The following INCENP variants were observed in gnomAD, a reference collection of about 807,000 sequenced individuals.
The protein encoded by INCENP is inner centromere protein.
In INCENP, 43 loss-of-function variants were observed where a neutral mutation model predicts 107.3. That is an observed-to-expected ratio of 0.40 (90% CI 0.31 to 0.52). INCENP has a LOEUF of 0.52. INCENP is among the 20% of genes least tolerant of loss of function. INCENP has a pLI of 0.53. For missense variants in INCENP, 1,089 were observed against 1,250.9 expected, an observed-to-expected ratio of 0.87 and a Z score of 1.95; for synonymous variants, 488 against 494.4, an observed-to-expected ratio of 0.99 and a Z score of 0.17.
In INCENP at chr11:62,150,519, A is replaced by G. The variant is rs146120602; in HGVS notation, c.2542+312A>G. Among the ~76,000 whole-genome samples, 481 of 152,312 alleles carry G rather than the reference A, an allele frequency of 3.2e-3. 4 individuals are homozygous for G. The highest frequency in any genetic ancestry group is 4.8e-3 in the Non-Finnish European group (324 of 68,024). The stretch of plus-strand genomic sequence containing the variant: ...TGACTTGGACTAGGCCCTTCCTTAG[A>G]GTCCCATCCAGCAGGGCTGAAGAGA... On this transcript the variant is annotated intron_variant, in intron 18 of 18. Coordinates refer to ENST00000394818, the MANE Select transcript of INCENP (RefSeq NM_001040694.2).
intron 11 of INCENP, among the ~76,000 whole-genome samples, chr11:62,142,201 T>C (rs1462756611): frequency 6.6e-6 from 1 of 152,196 alleles, no homozygotes; most frequent in Non-Finnish European, 1.5e-5. Flanking sequence ...CTGCAAGCCT[T>C]CTGAAGGGTC....
rs755384420 is a variant in INCENP at position 62,146,885 on chromosome 11, G to T, written c.2187G>T (p.Glu729Asp). 15 of 1,599,744 alleles carry T rather than the reference G, an allele frequency of 9.4e-6. No homozygotes were observed. The highest frequency in any genetic ancestry group is 1.7e-4 in the Middle Eastern group (1 of 5,886). Reference protein sequence around the residue: ...LAEQERRREQERLQAERELQE... With the variant: ...LAEQERRREQDRLQAERELQE... ...AGCAGGAGCGTCGGCGGGAGCAGGA[G>T]CGGCTCCAGGCCGAGAGGTGAGGGA... Residue 729 changes from glutamate (E) to aspartate (D), a missense_variant, in exon 15 of 19, where the codon GAG (glutamate) becomes GAT (aspartate). Glu to Asp is a conservative substitution (Grantham distance 45). Coordinates refer to ENST00000394818, the MANE Select transcript of INCENP (RefSeq NM_001040694.2).
At chr11:62,140,596 T>C in intron 8 of INCENP, 108 bp from the exon 9 acceptor site, 1 of 930,166 alleles carries the variant, frequency 1.1e-6, no homozygotes, top group Non-Finnish European at 1.7e-6. Context: ...TCTTTCAGTC[T>C]AGAGGCCTGT....
In INCENP at chr11:62,146,718, C is replaced by T. The variant is rs893547849; in HGVS notation, c.2020C>T (p.Arg674Trp). The T allele has an allele frequency of 4.3e-5, 66 of 1,550,562 alleles. No individual in the cohort carries two copies. The highest frequency in any genetic ancestry group is 5.4e-5 in the Non-Finnish European group (62 of 1,146,824). The change falls in exon 15 of 19, where the codon CGG becomes TGG. Residue 674 changes from arginine (R) to tryptophan (W), a missense_variant. Arg to Trp is a moderately radical substitution (Grantham distance 101). Transcript: ENST00000394818. ...GAAGAAGAAGGAAGAGGAGCAGGAG[C>T]GGCTGCGGAAGGCGGCCGAGGCTAA... Reference protein sequence around the residue: ...LQKKKEEEQERLRKAAEAKRL... With the variant: ...LQKKKEEEQEWLRKAAEAKRL...
At chr11:62,126,040 T>C (rs1943741186) in intron 1 of INCENP, among the ~76,000 whole-genome samples, 1 of 152,108 alleles carries the variant, frequency 6.6e-6, no homozygotes, top group South Asian at 2.1e-4. Context: ...GCAGAGCTTG[T>C]TGAGGAACAA....
intron 4 of INCENP, among the ~76,000 whole-genome samples, chr11:62,133,091 GGGA>G (rs1236120723): frequency 6.6e-6 from 1 of 152,154 alleles, no homozygotes; most frequent in Non-Finnish European, 1.5e-5. Context: ...GCGGTGACAG[GGGA>G]GGAGGCTTCC....
chr11:62,138,777 C>T lies in INCENP; in HGVS notation c.1173+7C>T, dbSNP rs765804275. On this transcript the variant is annotated splice_region_variant and intron_variant, in intron 6 of 18. Coordinates refer to ENST00000394818, the MANE Select transcript of INCENP (RefSeq NM_001040694.2). Reference sequence around the variant, plus strand: ...GGCGGCAGCTGAGCCAGAGGTAAGACGGCTGCCTGGGGAAGGGAGGACTCA... The same window carrying T: ...GGCGGCAGCTGAGCCAGAGGTAAGATGGCTGCCTGGGGAAGGGAGGACTCA... The T allele has an allele frequency of 6.3e-5, 101 of 1,613,804 alleles. No homozygotes were observed. Among genetic ancestry groups the T allele is most frequent in the Non-Finnish European group, 8.1e-5 (96 of 1,179,906 alleles).
At chr11:62,150,229 C>T in intron 18 of INCENP, 22 bp downstream of exon 18, 3 of 1,613,032 alleles carry the variant, frequency 1.9e-6, no homozygotes, top group Non-Finnish European at 2.5e-6. Flanking sequence ...CCACAGCTCC[C>T]TGGGAGACTC....
chr11:62,141,024 C>G lies in INCENP; in HGVS notation c.1573C>G (p.Pro525Ala). ...VMKSFIKRNT[P>A]LRMDPKCSFV... ...GAAGTCCTTTATTAAGCGCAACACT[C>G]CCCTGCGCATGGACCCCAAGGTGAG... Residue 525 changes from proline (P) to alanine (A), a missense_variant, in exon 10 of 19, where the codon CCC becomes GCC. Coordinates refer to ENST00000394818, the MANE Select transcript of INCENP (RefSeq NM_001040694.2). 1.2e-6 allele frequency: 2 copies of G among 1,613,952 alleles called. No individual in the cohort carries two copies. Among genetic ancestry groups the G allele is most frequent in the Middle Eastern group, 1.7e-4 (1 of 6,054 alleles).
rs1944337185 is a variant in INCENP at position 62,149,936 on chromosome 11, T to C, written c.2392-121T>C. The C allele has an allele frequency of 7.1e-6, 7 of 986,176 alleles. No individual in the cohort carries two copies. In the Admixed American group the frequency reaches 7.2e-5, roughly 10 times the overall value. 61.1% of individuals were successfully genotyped at this position (986,176 alleles called of 1,614,324 possible). ...TTCTGTCTCAAAAAAAAAGAAAAAG[T>C]GATCCTGCACCTTTTGTTTCTCCTG... On this transcript the variant is annotated intron_variant, in intron 17 of 18. Coordinates refer to ENST00000394818, the MANE Select transcript of INCENP (RefSeq NM_001040694.2).
rs1297800342 is a variant in INCENP, at chr11:62,130,584, A to G, written c.1057A>G (p.Ile353Val). The change falls in exon 4 of 19, where the codon ATC (isoleucine) becomes GTC (valine). Residue 353 changes from isoleucine to valine, a missense_variant. Transcript: ENST00000394818. ...CGAAGAGCCAGCTGCCTCTGGCCGC[A>G]TCATCTGTGAGTCTGGGGGCTTGGC... ...TAEEPAASGR[I>V]ICHSYLERLL... The G allele has an allele frequency of 5.6e-6, 9 of 1,610,414 alleles. No homozygotes were observed. Among genetic ancestry groups the G allele is most frequent in the Non-Finnish European group, 6.8e-6 (8 of 1,178,034 alleles).
rs377255748 is a variant in INCENP at position 62,128,838 on chromosome 11, G to C, written c.209G>C (p.Arg70Pro). ...CAGAAGAACCGACGGAAGAAGAGACGGATTTCTTATGTTCAGGATGAAAAC... is the reference window on the plus strand; with the variant it reads ...CAGAAGAACCGACGGAAGAAGAGACCGATTTCTTATGTTCAGGATGAAAAC... ...PSQKNRRKKR[R>P]ISYVQDENRD... The change falls in exon 3 of 19, where the codon CGG becomes CCG. Residue 70 changes from arginine (R) to proline (P), a missense_variant. Coordinates refer to ENST00000394818, the MANE Select transcript of INCENP (RefSeq NM_001040694.2). 2 of 1,613,942 alleles carry C rather than the reference G, an allele frequency of 1.2e-6. No homozygotes were observed. The highest frequency in any genetic ancestry group is 1.7e-6 in the Non-Finnish European group (2 of 1,179,938).
rs1247738463 is a variant in INCENP at position 62,130,560 on chromosome 11, G to A, written c.1033G>A (p.Glu345Lys). Reference protein sequence around the residue: ...ASRRLAKKTAEEPAASGRIIC... With the variant: ...ASRRLAKKTAKEPAASGRIIC... ...CAGAAGGCTTGCCAAGAAGACTGCCGAAGAGCCAGCTGCCTCTGGCCGCAT... is the reference window on the plus strand; with the variant it reads ...CAGAAGGCTTGCCAAGAAGACTGCCAAAGAGCCAGCTGCCTCTGGCCGCAT... The change falls in exon 4 of 19, where the codon GAA (glutamate) becomes AAA (lysine). Residue 345 changes from glutamate (E) to lysine (K), a missense_variant. Glu to Lys is a moderately conservative substitution (Grantham distance 56, BLOSUM62 1). Transcript: ENST00000394818. 5.0e-6 allele frequency: 8 copies of A among 1,613,256 alleles called. No homozygotes were observed. Among genetic ancestry groups the A allele is most frequent in the Middle Eastern group, 1.7e-4 (1 of 6,058 alleles).
Position 62,130,193 on chromosome 11 carries a change from G to A in INCENP, c.666G>A (p.Lys222=). The part of the protein sequence containing the change: ...PTSDEESTPK[K]SKARILESIT... ...CAGATGAGGAATCAACACCTAAGAA[G>A]TCGAAGGCCAGGATACTGGAGTCCA... Residue 222 remains lysine, a synonymous_variant, in exon 4 of 19, where the codon AAG becomes AAA. Transcript: ENST00000394818. 3.7e-6 allele frequency: 6 copies of A among 1,613,974 alleles called. No homozygotes were observed. The highest frequency in any genetic ancestry group is 4.2e-6 in the Non-Finnish European group (5 of 1,180,036).
At position 62,148,498 on chromosome 11, in the gene INCENP, G is replaced by A. The variant is rs530871745; in HGVS notation, c.2227G>A (p.Ala743Thr). 2 of 1,607,392 alleles carry A rather than the reference G, an allele frequency of 1.2e-6. No homozygotes were observed. Among genetic ancestry groups the A allele is most frequent in the East Asian group, 4.5e-5 (2 of 44,632 alleles). ...AERELQEREK[A>T]LRLQKEQLQR... ...CAGGGAGCTGCAGGAGCGGGAGAAG[G>A]CCCTGCGGCTGCAGAAGGAGCAGCT... Residue 743 changes from alanine (A) to threonine (T), a missense_variant, in exon 16 of 19, where the codon GCC (alanine) becomes ACC (threonine). Transcript: ENST00000394818.
intron 4 of INCENP, among the ~76,000 whole-genome samples, chr11:62,130,895 C>T (rs1478194065): frequency 1.3e-5 from 2 of 152,222 alleles, no homozygotes; most frequent in Admixed American, 1.3e-4. Flanking sequence ...CTGACCCAAC[C>T]TACTTGCTTT....
At chr11:62,149,791 G>A (rs938473592) in intron 17 of INCENP, among the ~76,000 whole-genome samples, 3 of 152,032 alleles carry the variant, frequency 2.0e-5, no homozygotes, top group East Asian at 3.9e-4. Context: ...GTGTGGTGGT[G>A]CACACCTGTA....
intron 18 of INCENP, 83 bp downstream of exon 18, chr11:62,150,290 G>A: frequency 6.8e-7 from 1 of 1,470,294 alleles, no homozygotes; most frequent in Non-Finnish European, 9.3e-7. Context: ...TGGGTTGGCT[G>A]CTGCGGTGTT....
At chr11:62,140,195 A>C in intron 7 of INCENP, 39 bp from the exon 8 acceptor site, 1 of 1,598,548 alleles carries the variant, frequency 6.3e-7, no homozygotes, top group South Asian at 1.1e-5. Context: ...TGCCGCCGCC[A>C]TCGTTTCTGC....
Sources: gnomAD v4.1 joint callset for allele counts (sites outside exome capture counted in the v4.1 genomes callset) on GRCh38, gnomAD v4.1.1 for gene constraint, MANE v1.5 for transcripts, NCBI Gene and HGNC (gene_info 2026-07-23, HGNC 2026-07-21) for gene names.